MRC1: variants seen among roughly 807,000 people sequenced by gnomAD.
MRC1 encodes mannose receptor C-type 1, also known as macrophage mannose receptor 1.
A neutral mutation model predicts 102.9 loss-of-function variants in MRC1; 62 were observed. The ratio of observed to expected loss-of-function variants is 0.60; its 90% CI spans 0.49 to 0.74. MRC1 has a LOEUF of 0.74. Ranked by LOEUF, MRC1 falls within the 30% of genes least tolerant of loss-of-function variation. The pLI is 0.00. For missense variants in MRC1, 1,237 were observed against 862.8 expected (o/e 1.43, Z -5.43); for synonymous variants, 457 against 298.4 (o/e 1.53, Z -5.48).
chr10:17,856,899 C>T (rs1281321481), intron 9 of MRC1, among the ~76,000 whole-genome samples: 10 of 152,282 alleles, frequency 6.6e-5, no homozygotes, highest in African/African-American at 2.4e-4. Flanking sequence ...CTGGTACCCA[C>T]GGTAACTCAG....
intron 6 of MRC1, among the ~76,000 whole-genome samples, chr10:17,849,233 T>C (rs1354316769): frequency 6.6e-6 from 1 of 150,778 alleles, no homozygotes; most frequent in African/African-American, 2.4e-5. Context: ...GCCCAGGAGG[T>C]TGAGGCTGCA....
At chr10:17,816,246 A>G (rs1359489544) in intron 1 of MRC1, among the ~76,000 whole-genome samples, 1 of 152,204 alleles carries the variant, frequency 6.6e-6, no homozygotes, top group Non-Finnish European at 1.5e-5. Context: ...AGGCTGGTGA[A>G]CATATTTCTT....
At chr10:17,862,268 T>A (rs1833195828) in intron 10 of MRC1, among the ~76,000 whole-genome samples, 1 of 152,210 alleles carries the variant, frequency 6.6e-6, no homozygotes, top group African/African-American at 2.4e-5. Flanking sequence ...CATTTCATAG[T>A]CTTTATAAAA....
intron 4 of MRC1, among the ~76,000 whole-genome samples, chr10:17,839,796 C>T (rs965111504): frequency 0.029 from 4,358 of 151,914 alleles, 215 homozygotes; most frequent in African/African-American, 0.1. Context: ...TGGTGGCTCA[C>T]GCCTGTAATC....
chr10:17,861,922 TCTTTG>T (rs1258811286), intron 10 of MRC1, among the ~76,000 whole-genome samples: 8 of 152,304 alleles, frequency 5.3e-5, no homozygotes, highest in African/African-American at 1.9e-4. Flanking sequence ...AGTCTTCCAT[TCTTTG>T]CTTTGCTTTG....
At chr10:17,869,060 G>A (rs1468322997) in intron 12 of MRC1, among the ~76,000 whole-genome samples, 3 of 152,296 alleles carry the variant, frequency 2.0e-5, no homozygotes, top group African/African-American at 7.2e-5. Flanking sequence ...ACCCAGAGCA[G>A]AGAAGGGTAT....
intron 1 of MRC1, among the ~76,000 whole-genome samples, chr10:17,816,692 TA>T (rs1269770249): frequency 1.3e-5 from 2 of 152,214 alleles, no homozygotes; most frequent in Non-Finnish European, 2.9e-5. Context: ...AGAAATAGTA[TA>T]AATCTGGAGG....
intron 3 of MRC1, among the ~76,000 whole-genome samples, chr10:17,830,330 C>G (rs1256210762): frequency 1.3e-5 from 2 of 151,206 alleles, no homozygotes; most frequent in Non-Finnish European, 2.9e-5. Flanking sequence ...AGGGGTTTCA[C>G]CATGTTGCCC....
chr10:17,902,469 G>A (rs1391192707), intron 26 of MRC1, among the ~76,000 whole-genome samples: 1 of 152,090 alleles, frequency 6.6e-6, no homozygotes, highest in Non-Finnish European at 1.5e-5. Flanking sequence ...CCCAGGAACT[G>A]TTTTGTTGTA....
chr10:17,837,563 GTTTTC>G (rs1215604461), intron 4 of MRC1, among the ~76,000 whole-genome samples: 1 of 151,716 alleles, frequency 6.6e-6, no homozygotes, highest in Non-Finnish European at 1.5e-5. Flanking sequence ...TTTAAAATAA[GTTTTC>G]TTTTATGTGA....
At position 17,870,255 on chromosome 10, in the gene MRC1, A is replaced by C. The variant is rs1833335750; in HGVS notation, c.1993A>C (p.Lys665Gln). Residue 665 changes from lysine to glutamine, a missense_variant, in exon 13 of 30, where the codon AAA (lysine) becomes CAA (glutamine). Physicochemically the swap from Lys to Gln is moderately conservative, Grantham distance 53. Coordinates refer to ENST00000569591, the MANE Select transcript of MRC1 (RefSeq NM_002438.4). ...RTSLCFKLYAKGKHEKKTWFE... is the reference protein window; with the variant it reads ...RTSLCFKLYAQGKHEKKTWFE... ...ACCATATCATCTTCAGCTGTATGCA[A>C]AAGGAAAACATGAGAAGAAAACGTG... The C allele has an allele frequency of 3.8e-6, 3 of 780,360 alleles. No individual in the cohort carries two copies. Among genetic ancestry groups the C allele is most frequent in the Non-Finnish European group, 7.2e-6 (3 of 417,678 alleles). The allele number at this position is 780,360 out of a possible 1,614,324, so 48.3% of individuals were successfully genotyped here.
chr10:17,811,501 A>G (rs1381050106), intron 1 of MRC1, among the ~76,000 whole-genome samples: 1 of 150,416 alleles, frequency 6.6e-6, no homozygotes, highest in South Asian at 2.1e-4. Context: ...AGAATAAACA[A>G]ACAAAAAATT....
intron 22 of MRC1, among the ~76,000 whole-genome samples, chr10:17,891,422 T>G (rs1833674221): frequency 6.6e-6 from 1 of 152,130 alleles, no homozygotes; most frequent in African/African-American, 2.4e-5. Context: ...CGCCTCGGCC[T>G]CCCGAAGTGC....
chr10:17,899,580 G>A (rs892488040), intron 24 of MRC1, among the ~76,000 whole-genome samples: 5 of 151,846 alleles, frequency 3.3e-5, no homozygotes, highest in Non-Finnish European at 7.4e-5. Context: ...TGGATTTTTG[G>A]CAATTGGCTT....
chr10:17,817,491 G>A (rs546247399), intron 1 of MRC1, among the ~76,000 whole-genome samples: 1 of 152,232 alleles, frequency 6.6e-6, no homozygotes, highest in South Asian at 2.1e-4. Context: ...AACATGGCAG[G>A]AAACTTATGT....
At chr10:17,897,991 A>G (rs1232452147) in intron 23 of MRC1, 43 bp from the exon 24 acceptor site, 2 of 780,640 alleles carry the variant, frequency 2.6e-6, no homozygotes, top group Non-Finnish European at 4.8e-6. Context: ...AGGCTCAATT[A>G]CTGTTTATTG....
At chr10:17,812,804 C>T (rs1380807125) in intron 1 of MRC1, among the ~76,000 whole-genome samples, 3 of 152,048 alleles carry the variant, frequency 2.0e-5, no homozygotes, top group Non-Finnish European at 4.4e-5. Flanking sequence ...AACTCCTGAC[C>T]TCGTGATCTG....
intron 22 of MRC1, among the ~76,000 whole-genome samples, chr10:17,893,863 C>T (rs1024460846): frequency 2.4e-4 from 36 of 152,200 alleles, no homozygotes; most frequent in Non-Finnish European, 5.1e-4. Context: ...GGTTTGAATA[C>T]TGGTAATTAG....
At chr10:17,894,551 C>G (rs1833728300) in intron 23 of MRC1, among the ~76,000 whole-genome samples, 1 of 151,788 alleles carries the variant, frequency 6.6e-6, no homozygotes. Context: ...AGGCACACAC[C>G]ACCACGCCTG....
Sources: allele counts gnomAD v4.1 joint callset (sites outside exome capture counted in the v4.1 genomes callset), GRCh38; gene constraint gnomAD v4.1.1; transcripts MANE v1.5; gene names NCBI Gene and HGNC (gene_info 2026-07-23, HGNC 2026-07-21).